The following NLRP9 variants were observed in gnomAD, a reference collection of about 807,000 sequenced individuals.
NLRP9 encodes NLR family pyrin domain containing 9, also known as NACHT, LRR and PYD domains-containing protein 9.
Under a neutral mutation model 83.1 loss-of-function variants are expected in NLRP9, and 88 were observed. That is an observed-to-expected ratio of 1.06 (90% confidence interval 0.89 to 1.26). The LOEUF is 1.26. Ranked by LOEUF, NLRP9 falls within the 50% of genes most tolerant of loss-of-function variation. The pLI is 0.00. For missense variants in NLRP9, 1,308 were observed against 1,179.3 expected (o/e 1.11, Z -1.60); for synonymous variants, 521 against 447.6 (o/e 1.16, Z -2.07).
intron 1 of NLRP9, among the ~76,000 whole-genome samples, chr19:55,736,155 G>T (rs370559168): frequency 3.3e-5 from 5 of 152,112 alleles, no homozygotes; most frequent in African/African-American, 1.2e-4. Flanking sequence ...ACTTTGGGAG[G>T]CTGAGGTGGG....
At chr19:55,729,555 G>A (rs1210491047) in intron 3 of NLRP9, among the ~76,000 whole-genome samples, 2 of 151,968 alleles carry the variant, frequency 1.3e-5, no homozygotes, top group Admixed American at 6.6e-5. Context: ...TTCCTACAAA[G>A]GACATGAACT....
rs987907794 is a variant in NLRP9 at position 55,708,532 on chromosome 19, C to A, written c.*380G>T. 3.8e-5 allele frequency: 6 copies of A among 159,224 alleles called. No homozygotes were observed. Among genetic ancestry groups the A allele is most frequent in the Admixed American group, 6.5e-5 (1 of 15,478 alleles). The allele number at this position is 159,224 out of a possible 1,614,324, so 9.9% of individuals were successfully genotyped here. Reference sequence around the variant, plus strand: ...ATGCTAGCAATACAATCTATAGACACATTCTAGCATCACTTCTGTGTCAGA... The same window carrying A: ...ATGCTAGCAATACAATCTATAGACAAATTCTAGCATCACTTCTGTGTCAGA... On this transcript the variant is annotated 3_prime_UTR_variant, in exon 9 of 9. Coordinates refer to ENST00000332836, the MANE Select transcript of NLRP9 (RefSeq NM_176820.4).
chr19:55,730,456 A>G (rs79544684), intron 2 of NLRP9, among the ~76,000 whole-genome samples: 2 of 104,468 alleles, frequency 1.9e-5, no homozygotes, highest in Non-Finnish European at 4.0e-5. Flanking sequence ...CTGCCTCAAG[A>G]AAAAAAAAAA....
intron 5 of NLRP9, among the ~76,000 whole-genome samples, chr19:55,716,015 T>C (rs1987995203): frequency 6.6e-6 from 1 of 152,232 alleles, no homozygotes; most frequent in African/African-American, 2.4e-5. Context: ...TATGTTAGTT[T>C]CCTTGACGAC....
At chr19:55,714,035 C>T (rs1395947728) in intron 6 of NLRP9, among the ~76,000 whole-genome samples, 1 of 149,638 alleles carries the variant, frequency 6.7e-6, no homozygotes, top group South Asian at 2.1e-4. Context: ...CAGACACATC[C>T]TTGCAGCCTC....
At chr19:55,723,902 G>C in intron 4 of NLRP9, 78 bp downstream of exon 4, 1 of 1,163,948 alleles carries the variant, frequency 8.6e-7, no homozygotes, top group East Asian at 2.4e-5. Context: ...TGACCCTCCA[G>C]GAAGGAAAAC....
chr19:55,731,051 C>T (rs926535803), intron 2 of NLRP9, among the ~76,000 whole-genome samples: 10 of 152,132 alleles, frequency 6.6e-5, no homozygotes, highest in African/African-American at 1.9e-4. Flanking sequence ...ATTTCCTCCT[C>T]GTTTAGATGT....
At chr19:55,722,346 G>A (rs543195268) in intron 4 of NLRP9, among the ~76,000 whole-genome samples, 1 of 152,072 alleles carries the variant, frequency 6.6e-6, no homozygotes, top group African/African-American at 2.4e-5. Flanking sequence ...CCCCTGAGAA[G>A]AGAAAGTTAG....
In NLRP9 at chr19:55,732,021, C is replaced by T; in HGVS notation, c.1810G>A (p.Asp604Asn). The T allele has an allele frequency of 6.4e-7, 1 of 1,574,644 alleles. No individual in the cohort carries two copies. Among genetic ancestry groups the T allele is most frequent in the Middle Eastern group, 1.7e-4 (1 of 5,836 alleles). ...CACTCTGAGATGCATCCTGAGTCAT[C>T]TGGAAAGATATTCTCCACACACATG... The part of the protein sequence containing the change: ...LRMCVENIFP[D>N]DSGCISDYNE... The change falls in exon 2 of 9, where the codon GAT becomes AAT. Residue 604 changes from aspartate to asparagine, a missense_variant. Physicochemically the swap from Asp to Asn is conservative, Grantham distance 23. Transcript: ENST00000332836.
At chr19:55,716,602 T>C in intron 5 of NLRP9, 126 bp downstream of exon 5, 2 of 755,882 alleles carry the variant, frequency 2.6e-6, no homozygotes, top group Non-Finnish European at 4.4e-6. Context: ...GGAAAGGAAC[T>C]CAGGTCTAGC....
rs1040039693 is a variant in NLRP9, at chr19:55,727,667, T to C, written c.1994+2164A>G. Among the ~76,000 whole-genome samples the C allele has an allele frequency of 2.0e-5, 3 of 152,146 alleles. No individual in the cohort carries two copies. The East Asian group carries it at 5.8e-4, about 29-fold the overall frequency. ...ACTCTCCATGTGGGATCTTTAGAAA[T>C]TCTTTTGAGTCAGTTCCTTCATTAT... On this transcript the variant is annotated intron_variant, in intron 3 of 8. Transcript: ENST00000332836.
intron 3 of NLRP9, among the ~76,000 whole-genome samples, chr19:55,729,366 C>T (rs1445965238): frequency 6.6e-6 from 1 of 151,966 alleles, no homozygotes; most frequent in South Asian, 2.1e-4. Context: ...GGTATATCTC[C>T]TAATGCTATC....
chr19:55,730,307 T>A (rs1342227792), intron 2 of NLRP9, among the ~76,000 whole-genome samples: 1 of 152,026 alleles, frequency 6.6e-6, no homozygotes, highest in Non-Finnish European at 1.5e-5. Context: ...TTTAAAAAAT[T>A]AGACAGATGT....
At chr19:55,718,444 T>C (rs193178430) in intron 4 of NLRP9, among the ~76,000 whole-genome samples, 1 of 152,338 alleles carries the variant, frequency 6.6e-6, no homozygotes, top group East Asian at 1.9e-4. Flanking sequence ...TTCCCATTCA[T>C]TCCATTCTGA....
chr19:55,732,911 AAATACG>A lies in NLRP9; in HGVS notation c.914_919del (p.Ser305_Tyr306del), dbSNP rs772340012. The A allele has an allele frequency of 2.5e-6, 4 of 1,613,970 alleles. No homozygotes were observed. The South Asian group carries it at 3.3e-5, about 13-fold the overall frequency. On this transcript the variant is annotated inframe_deletion, in exon 2 of 9. Coordinates refer to ENST00000332836, the MANE Select transcript of NLRP9 (RefSeq NM_176820.4). ...GCTCTTCTCACCAAAGAAGTAGGAG[AAATACG>A]ACTTCTTTTCAGATTCACTGAATCC...
Position 55,733,393 on chromosome 19 carries a change from G to GTGT in NLRP9, c.435_437dup (p.Arg145_His146insGln). 1.9e-6 allele frequency: 3 copies of GTGT among 1,614,084 alleles called. No homozygotes were observed. Among genetic ancestry groups the GTGT allele is most frequent in the Non-Finnish European group, 2.5e-6 (3 of 1,180,004 alleles). On this transcript the variant is annotated inframe_insertion, in exon 2 of 9. Transcript: ENST00000332836. The stretch of plus-strand genomic sequence containing the variant: ...CATCAGGACCTTCCAGGACCACAGT[G>GTGT]TGTCGTCTAGCCGCAGCAGTATATG...
In NLRP9 at chr19:55,715,577, G is replaced by A. The variant is rs147437252; in HGVS notation, c.2331-352C>T. Among the ~76,000 whole-genome samples, 727 of 152,208 alleles carry A rather than the reference G, an allele frequency of 4.8e-3. 5 individuals carry two copies. The highest frequency in any genetic ancestry group is 0.017 in the African/African-American group (686 of 41,532). ...CGCACACCTGTAATCCCAGCTACTC[G>A]GGAGGCTGAGGCAGGAGAATCGCTT... On this transcript the variant is annotated intron_variant, in intron 5 of 8. Coordinates refer to ENST00000332836, the MANE Select transcript of NLRP9 (RefSeq NM_176820.4).
At chr19:55,720,761 T>C (rs1988200430) in intron 4 of NLRP9, among the ~76,000 whole-genome samples, 2 of 152,206 alleles carry the variant, frequency 1.3e-5, no homozygotes, top group South Asian at 4.1e-4. Flanking sequence ...ATATTTGCAA[T>C]GCATGTATTT....
At position 55,732,627 on chromosome 19, in the gene NLRP9, C is replaced by T. The variant is rs761560528; in HGVS notation, c.1204G>A (p.Gly402Arg). 1 of 1,614,174 alleles carries T rather than the reference C, an allele frequency of 6.2e-7. No homozygotes were observed. Among genetic ancestry groups the T allele is most frequent in the South Asian group, 1.1e-5 (1 of 91,086 alleles). ...AATACAAATGTATATGTCCAAATTCCCTCTGCAGCCAAAGCACACAGGCTT... is the reference window on the plus strand; with the variant it reads ...AATACAAATGTATATGTCCAAATTCTCTCTGCAGCCAAAGCACACAGGCTT... ...LKSLCALAAE[G>R]IWTYTFVFSH... Residue 402 changes from glycine (G) to arginine (R), a missense_variant, in exon 2 of 9, where the codon GGA becomes AGA. Gly to Arg is a moderately radical substitution (Grantham distance 125). Transcript: ENST00000332836.
Sources: allele counts gnomAD v4.1 joint callset (sites outside exome capture counted in the v4.1 genomes callset), GRCh38; gene constraint gnomAD v4.1.1; transcripts MANE v1.5; gene names NCBI Gene and HGNC (gene_info 2026-07-23, HGNC 2026-07-21).